Variants in POTEI observed in about 807,000 individuals in gnomAD.
The protein encoded by POTEI is POTE ankyrin domain family, member I.
In POTEI, 14 loss-of-function variants were observed where a neutral mutation model predicts 43.4. The observed-to-expected ratio is 0.32, with a 90% CI of 0.21 to 0.50. The LOEUF (loss-of-function observed/expected upper bound fraction) is 0.50. Among genes scored for constraint, POTEI ranks in the 20% least tolerant of loss-of-function variants. POTEI has a pLI of 0.98. For synonymous variants in POTEI, 95 were observed against 297.9 expected (o/e 0.32, Z 7.01); for missense variants, 235 against 795.4 (o/e 0.30, Z 8.47).
rs1197060173 is a variant in POTEI, at chr2:130,507,337, CAT to C, written c.521+1376_521+1377del. Reference sequence around the variant, plus strand: ...ATATATACACACACACACACACACACATATATATGTATATATATACACACACA... The same window carrying C: ...ATATATACACACACACACACACACACATATATGTATATATATACACACACA... On this transcript the variant is annotated intron_variant, in intron 1 of 14. Coordinates refer to ENST00000451531, the MANE Select transcript of POTEI (RefSeq NM_001277406.2). Among the ~76,000 whole-genome samples, 14 of 61,542 alleles carry C rather than the reference CAT, an allele frequency of 2.3e-4. 1 individual carries two copies. The highest frequency in any genetic ancestry group is 3.8e-4 in the Admixed American group (2 of 5,324). The allele number at this position is 61,542 out of a possible 152,430, so 40.4% of individuals were successfully genotyped here.
At chr2:130,508,687 C>T in intron 1 of POTEI, 28 bp downstream of exon 1, 1 of 874,162 alleles carries the variant, frequency 1.1e-6, no homozygotes. Flanking sequence ...CCCGACCTCC[C>T]ACCTCCTCCC....
At chr2:130,496,510 T>A (rs1683910133) in intron 6 of POTEI, 42 bp downstream of exon 6, 3 of 1,320,004 alleles carry the variant, frequency 2.3e-6, no homozygotes, top group Non-Finnish European at 3.0e-6. Flanking sequence ...TCAAAAAGGT[T>A]GGGGACAACT....
In POTEI at chr2:130,467,772, C is replaced by T. The variant is rs571335105; in HGVS notation, c.1779-2000G>A. 4.8e-4 allele frequency among the ~76,000 whole-genome samples: 72 copies of T among 151,538 alleles called. 1 individual carries two copies. The highest frequency in any genetic ancestry group is 3.4e-3 in the Middle Eastern group (1 of 294). On this transcript the variant is annotated intron_variant, in intron 13 of 14. Coordinates refer to ENST00000451531, the MANE Select transcript of POTEI (RefSeq NM_001277406.2). Reference sequence around the variant, plus strand: ...AACTCAAACAAATCAACAGGAAAAACGCAAATAATTCCATTGGAAAGTGGC... The same window carrying T: ...AACTCAAACAAATCAACAGGAAAAATGCAAATAATTCCATTGGAAAGTGGC...
chr2:130,497,043 TA>T (rs1322140763), intron 5 of POTEI, among the ~76,000 whole-genome samples: 1 of 22,170 alleles, frequency 4.5e-5, no homozygotes, highest in African/African-American at 8.4e-5. Flanking sequence ...TAACATTTTT[TA>T]AATGCTCAGA....
In POTEI at chr2:130,463,619, G is replaced by A. The variant is rs757221312; in HGVS notation, c.2425C>T (p.Pro809Ser). 2.5e-6 allele frequency: 4 copies of A among 1,606,552 alleles called. No individual in the cohort carries two copies. The highest frequency in any genetic ancestry group is 1.4e-5 in the African/African-American group (1 of 71,770). ...EEHPILLTEA[P>S]LNPKANREKM... ...TCGCGGTTGGCCTTGGGGTTCAGGGGGGCCTCGGTCAGCAGGATGGGGTGC... is the reference window on the plus strand; with the variant it reads ...TCGCGGTTGGCCTTGGGGTTCAGGGAGGCCTCGGTCAGCAGGATGGGGTGC... The change falls in exon 15 of 15, where the codon CCC (proline) becomes TCC (serine). Residue 809 changes from proline (P) to serine (S), a missense_variant. Transcript: ENST00000451531.
chr2:130,496,665 T>A, intron 5 of POTEI, 43 bp from the exon 6 acceptor site: 1 of 1,498,922 alleles, frequency 6.7e-7, no homozygotes. Flanking sequence ...ATTTTAATAC[T>A]GATATAAAAA....
intron 10 of POTEI, among the ~76,000 whole-genome samples, chr2:130,479,597 G>T (rs1683328036): frequency 3.4e-5 from 2 of 59,476 alleles, no homozygotes; most frequent in African/African-American, 1.3e-4. Context: ...TATAATCATG[G>T]TGGCTTTCAC....
At position 130,508,824 on chromosome 2, in the gene POTEI, C is replaced by G; in HGVS notation, c.412G>C (p.Glu138Gln). 1 of 1,528,188 alleles carries G rather than the reference C, an allele frequency of 6.5e-7. No homozygotes were observed. The highest frequency in any genetic ancestry group is 1.9e-5 in the Admixed American group (1 of 51,494). The allele number at this position is 1,528,188 out of a possible 1,614,324, so 94.7% of individuals were successfully genotyped here. A position where few individuals can be genotyped will look rare whatever the true frequency, so the allele number is the denominator to read the frequency against. The change falls in exon 1 of 15, where the codon GAA (glutamate) becomes CAA (glutamine). Residue 138 changes from glutamate (E) to glutamine (Q), a missense_variant. Coordinates refer to ENST00000451531, the MANE Select transcript of POTEI (RefSeq NM_001277406.2). ...FVEPRYHVRR[E>Q]DLDKLHRAAW... ...GCTCTGTGGAGCTTGTCCAGATCTTCTCGACGGACGTGGTATCTCGGCTCC... is the reference window on the plus strand; with the variant it reads ...GCTCTGTGGAGCTTGTCCAGATCTTGTCGACGGACGTGGTATCTCGGCTCC...
intron 9 of POTEI, among the ~76,000 whole-genome samples, chr2:130,484,942 C>A (rs1219719151): frequency 6.6e-6 from 1 of 152,132 alleles, no homozygotes; most frequent in Non-Finnish European, 1.5e-5. Context: ...TATGAGGTGT[C>A]AGAGGGACAG....
chr2:130,463,563 G>A lies in POTEI; in HGVS notation c.2481C>T (p.Phe827=). Residue 827 remains phenylalanine (F), a synonymous_variant, in exon 15 of 15, where the codon TTC becomes TTT. Transcript: ENST00000451531. ...TGGCCACGTACATGGCTGGGGTGTT[G>A]AAGGTCTCAAACATGATCTGGGTCA... ...EKMTQIMFET[F]NTPAMYVAIQ... The A allele has an allele frequency of 1.9e-6, 3 of 1,562,906 alleles. No homozygotes were observed. The highest frequency in any genetic ancestry group is 1.1e-5 in the South Asian group (1 of 88,598).
At chr2:130,477,925 T>C (rs1189548956) in intron 10 of POTEI, among the ~76,000 whole-genome samples, 7 of 121,220 alleles carry the variant, frequency 5.8e-5, no homozygotes, top group Non-Finnish European at 8.3e-5. Context: ...GAGTAGGGCA[T>C]TGCCAGCAGC....
At chr2:130,480,108 G>T (rs563827741) in intron 10 of POTEI, among the ~76,000 whole-genome samples, 43 of 43,624 alleles carry the variant, frequency 9.9e-4, no homozygotes, top group African/African-American at 3.1e-3. Flanking sequence ...AGCTGCTGCG[G>T]ATTAGCCAAC....
At position 130,477,869 on chromosome 2, in the gene POTEI, G is replaced by C. The variant is rs988309527; in HGVS notation, c.1481-1168C>G. On this transcript the variant is annotated intron_variant, in intron 10 of 14. Transcript: ENST00000451531. Reference sequence around the variant, plus strand: ...ACCATGCAGCAGCAAGAGCGGGAGCGAGGCCTGAAAGAGTGAAAGTATTTG... The same window carrying C: ...ACCATGCAGCAGCAAGAGCGGGAGCCAGGCCTGAAAGAGTGAAAGTATTTG... Among the ~76,000 whole-genome samples, 12 of 142,414 alleles carry C rather than the reference G, an allele frequency of 8.4e-5. 3 individuals carry two copies. The highest frequency in any genetic ancestry group is 3.4e-4 in the African/African-American group (12 of 35,472). The allele number at this position is 142,414 out of a possible 152,430, so 93.4% of individuals were successfully genotyped here.
intron 6 of POTEI, among the ~76,000 whole-genome samples, chr2:130,493,053 G>T (rs1318427863): frequency 4.1e-5 from 5 of 123,070 alleles, no homozygotes; most frequent in Admixed American, 9.0e-5. Context: ...AAAATGCCCT[G>T]CTAAAGGGAT....
chr2:130,468,279 C>A (rs1197484453), intron 13 of POTEI, among the ~76,000 whole-genome samples: 1 of 146,592 alleles, frequency 6.8e-6, no homozygotes, highest in South Asian at 2.2e-4. Context: ...TCTCACATCA[C>A]ATATATGTAT....
chr2:130,493,958 G>A lies in POTEI; in HGVS notation c.1126+2594C>T. ...AATACATTGATGCTACTCCAAGGAT[G>A]TATGACAAGGAAACTATAGCTGACT... On this transcript the variant is annotated intron_variant, in intron 6 of 14. Transcript: ENST00000451531. Among the ~76,000 whole-genome samples the A allele has an allele frequency of 4.9e-5, 2 of 40,452 alleles. 1 individual carries two copies. The allele number at this position is 40,452 out of a possible 152,430, so 26.5% of individuals were successfully genotyped here.
chr2:130,484,209 T>C (rs1161458156), intron 9 of POTEI, among the ~76,000 whole-genome samples: 5 of 150,700 alleles, frequency 3.3e-5, no homozygotes, highest in Non-Finnish European at 4.4e-5. Flanking sequence ...GTTTTTTTTT[T>C]CTAATACAAA....
chr2:130,505,320 AAC>A (rs1170660900), intron 1 of POTEI, among the ~76,000 whole-genome samples: 1 of 98,460 alleles, frequency 1.0e-5, no homozygotes, highest in Admixed American at 1.2e-4. Context: ...AAACAACTAA[AAC>A]AGTCTTTTCC....
intron 10 of POTEI, among the ~76,000 whole-genome samples, chr2:130,479,269 C>T (rs1225608078): frequency 6.6e-6 from 1 of 150,498 alleles, no homozygotes; most frequent in Non-Finnish European, 1.5e-5. Flanking sequence ...TTATTTCTTA[C>T]AGGAAAAAAA....
Sources: allele counts gnomAD v4.1 joint callset (sites outside exome capture counted in the v4.1 genomes callset), GRCh38; gene constraint gnomAD v4.1.1; transcripts MANE v1.5; gene names NCBI Gene and HGNC (gene_info 2026-07-23, HGNC 2026-07-21).